Variants in CSN1S1 observed in about 807,000 individuals in gnomAD.
CSN1S1 encodes the protein alpha-S1-casein.
A neutral mutation model predicts 49.1 loss-of-function variants in CSN1S1; 63 were observed. That is an observed-to-expected ratio of 1.28 (90% confidence interval 1.05 to 1.58). The LOEUF is 1.58. CSN1S1 is among the 40% of genes most tolerant of loss of function. CSN1S1 has a pLI of 0.00. For missense variants in CSN1S1, 260 were observed against 224.7 expected (o/e 1.16, Z -1.01); for synonymous variants, 78 against 67.1 (o/e 1.16, Z -0.79).
intron 14 of CSN1S1, among the ~76,000 whole-genome samples, chr4:69,942,947 TAA>T (rs5859205): frequency 1.4e-4 from 20 of 143,462 alleles, no homozygotes; most frequent in Middle Eastern, 3.7e-3. Flanking sequence ...ACATGCTAAT[TAA>T]AAAAAAAAAA....
chr4:69,937,846 AACTCT>A, intron 9 of CSN1S1, 23 bp downstream of exon 9: 2 of 1,564,366 alleles, frequency 1.3e-6, no homozygotes, highest in Non-Finnish European at 8.7e-7. Flanking sequence ...CATTCTAGTG[AACTCT>A]ACACTTACGT....
chr4:69,942,111 GT>G, intron 13 of CSN1S1, 48 bp downstream of exon 13: 1 of 1,184,364 alleles, frequency 8.4e-7, no homozygotes, highest in Non-Finnish European at 1.2e-6. Flanking sequence ...TCCTTCATGT[GT>G]TATGTTTTTA....
At position 69,937,161 on chromosome 4, in the gene CSN1S1, TA is replaced by T. The variant is rs774995335; in HGVS notation, c.219+21del. 6.6e-7 allele frequency: 1 copy of T among 1,508,832 alleles called. No homozygotes were observed. Among genetic ancestry groups the T allele is most frequent in the Non-Finnish European group, 8.9e-7 (1 of 1,121,342 alleles). 93.5% of individuals were successfully genotyped at this position (1,508,832 alleles called of 1,614,324 possible). ...TCTACTCAGGTGAGACCCTTTGTTTTAAAATTATTAAACCAATATGAGGAAA... is the reference window on the plus strand; with the variant it reads ...TCTACTCAGGTGAGACCCTTTGTTTTAAATTATTAAACCAATATGAGGAAA... On this transcript the variant is annotated intron_variant, in intron 8 of 15. Transcript: ENST00000246891.
intron 14 of CSN1S1, 30 bp downstream of exon 14, chr4:69,942,607 G>A (rs1438839179): frequency 5.9e-6 from 9 of 1,527,816 alleles, no homozygotes; most frequent in East Asian, 2.4e-5. Flanking sequence ...ATTACAAAAC[G>A]ATAATATTTT....
At chr4:69,937,860 G>C in intron 9 of CSN1S1, 37 bp downstream of exon 9, 2 of 1,501,992 alleles carry the variant, frequency 1.3e-6, no homozygotes, top group East Asian at 2.4e-5. Flanking sequence ...CTACACTTAC[G>C]TATCAAACAT....
intron 8 of CSN1S1, among the ~76,000 whole-genome samples, chr4:69,937,523 G>C (rs1722824250): frequency 6.6e-6 from 1 of 151,354 alleles, no homozygotes; most frequent in Non-Finnish European, 1.5e-5. Flanking sequence ...AGTTTTAAAA[G>C]AGGGAAAGCA....
chr4:69,941,978 A>T (rs1194589149), intron 12 of CSN1S1, 68 bp from the exon 13 acceptor site: 2 of 1,013,050 alleles, frequency 2.0e-6, no homozygotes, highest in Admixed American at 2.6e-5. Context: ...GAAGGTACCC[A>T]GCAAATGTTT....
rs565711969 is a variant in CSN1S1, at chr4:69,932,541, T to C, written c.-12-3T>C. 4.4e-6 allele frequency: 7 copies of C among 1,597,586 alleles called. No individual in the cohort carries two copies. In the African/African-American group the frequency reaches 8.0e-5, roughly 18 times the overall value. On this transcript the variant is annotated splice_region_variant and splice_polypyrimidine_tract_variant and intron_variant, in intron 1 of 15. Coordinates refer to ENST00000246891, the MANE Select transcript of CSN1S1 (RefSeq NM_001890.2). ...ACTCTTTCTTTTTTGTTCTCTTACA[T>C]AGGCTCTGATAACCATGAGGCTTCT...
chr4:69,937,736 T>A (rs1578134018), intron 8 of CSN1S1, 64 bp from the exon 9 acceptor site: 2 of 1,244,350 alleles, frequency 1.6e-6, no homozygotes, highest in South Asian at 1.4e-5. Context: ...TATTTGGTAA[T>A]CATTACTTTT....
chr4:69,940,144 C>T, intron 11 of CSN1S1, 100 bp downstream of exon 11: 2 of 532,102 alleles, frequency 3.8e-6, no homozygotes, highest in Non-Finnish European at 3.1e-6. Context: ...CACACACACA[C>T]ACACACGGGA....
Position 69,934,046 on chromosome 4 carries a change from TC to T in CSN1S1, c.52-163del, listed in dbSNP as rs1041032533. 4.6e-5 allele frequency among the ~76,000 whole-genome samples: 7 copies of T among 152,140 alleles called. No individual in the cohort carries two copies. The East Asian group carries it at 1.2e-3, about 25-fold the overall frequency. On this transcript the variant is annotated intron_variant, in intron 2 of 15. Coordinates refer to ENST00000246891, the MANE Select transcript of CSN1S1 (RefSeq NM_001890.2). ...AAAATAATTATGATTTCTTTTTTTT[TC>T]CCTGTAGTCCCAGAGAAACTTGGTC...
In CSN1S1 at chr4:69,946,226, C is replaced by T; in HGVS notation, c.*30C>T. On this transcript the variant is annotated 3_prime_UTR_variant, in exon 16 of 16. Coordinates refer to ENST00000246891, the MANE Select transcript of CSN1S1 (RefSeq NM_001890.2). Reference sequence around the variant, plus strand: ...ATTGAAAATTTCATTCTCTGAATTTCTCCTCTCAAGGAAAACCATCTTATC... The same window carrying T: ...ATTGAAAATTTCATTCTCTGAATTTTTCCTCTCAAGGAAAACCATCTTATC... 1.9e-6 allele frequency: 1 copy of T among 531,796 alleles called. No individual in the cohort carries two copies. The highest frequency in any genetic ancestry group is 2.6e-5 in the South Asian group (1 of 37,980). The allele number at this position is 531,796 out of a possible 1,614,324, so 32.9% of individuals were successfully genotyped here.
chr4:69,937,904 G>T, intron 9 of CSN1S1, 81 bp downstream of exon 9: 1 of 958,722 alleles, frequency 1.0e-6, no homozygotes, highest in Non-Finnish European at 1.5e-6. Context: ...TAAAAAGACT[G>T]TCTTCTGAAA....
rs746830211 is a variant in CSN1S1, at chr4:69,941,017, A to C, written c.301-2A>C. The C allele has an allele frequency of 1.7e-5, 26 of 1,498,446 alleles. No individual in the cohort carries two copies. In the Middle Eastern group the frequency reaches 5.1e-4, roughly 30 times the overall value. The allele number at this position is 1,498,446 out of a possible 1,614,324, so 92.8% of individuals were successfully genotyped here. ...ATTGAGAATATTTTTCTTTTTAAAT[A>C]GGAACAGTTTTGTAGACTGAACGAA... On this transcript the variant is annotated splice_acceptor_variant, in intron 11 of 15. Coordinates refer to ENST00000246891, the MANE Select transcript of CSN1S1 (RefSeq NM_001890.2). LOFTEE classifies it high-confidence loss of function.
At chr4:69,932,115 A>C (rs1244547308) in intron 1 of CSN1S1, among the ~76,000 whole-genome samples, 1 of 151,962 alleles carries the variant, frequency 6.6e-6, no homozygotes, top group Non-Finnish European at 1.5e-5. Context: ...TTTCAATAAA[A>C]TTAAATTCCA....
rs147820579 is a variant in CSN1S1 at position 69,940,501 on chromosome 4, T to C, written c.300+457T>C. Among the ~76,000 whole-genome samples the C allele has an allele frequency of 5.3e-5, 8 of 151,888 alleles. No homozygotes were observed. The East Asian group carries it at 1.6e-3, about 29-fold the overall frequency. Reference sequence around the variant, plus strand: ...CTCATAGCTCTACCTTTTACACGTATGTGATGTTGAACCGTTCACTTTCCC... The same window carrying C: ...CTCATAGCTCTACCTTTTACACGTACGTGATGTTGAACCGTTCACTTTCCC... On this transcript the variant is annotated intron_variant, in intron 11 of 15. Transcript: ENST00000246891.
intron 15 of CSN1S1, 31 bp from the exon 16 acceptor site, chr4:69,946,165 A>C (rs1723159909): frequency 3.8e-6 from 2 of 520,200 alleles, no homozygotes; most frequent in South Asian, 5.6e-5. Context: ...ATTTAATATA[A>C]CTCACCACAT....
intron 1 of CSN1S1, among the ~76,000 whole-genome samples, chr4:69,931,684 C>A (rs1042850356): frequency 7.0e-6 from 1 of 142,538 alleles, no homozygotes; most frequent in Non-Finnish European, 1.6e-5. Context: ...TTTATTAACA[C>A]ATTTAGATTC....
intron 4 of CSN1S1, among the ~76,000 whole-genome samples, chr4:69,935,153 T>C (rs1722730000): frequency 2.0e-5 from 3 of 152,068 alleles, no homozygotes; most frequent in Non-Finnish European, 4.4e-5. Context: ...AGAAGGAAAG[T>C]TTCTCAGGCT....
Sources: gnomAD v4.1 joint callset for allele counts (sites outside exome capture counted in the v4.1 genomes callset) on GRCh38, gnomAD v4.1.1 for gene constraint, MANE v1.5 for transcripts, NCBI Gene and HGNC (gene_info 2026-07-23, HGNC 2026-07-21) for gene names.